Variants in RAPGEF2 observed in about 807,000 individuals in gnomAD.
The protein encoded by RAPGEF2 is Rap guanine nucleotide exchange factor 2, also known as PDZ domain containing guanine nucleotide exchange factor (GEF) 1.
In RAPGEF2, 54 loss-of-function variants were observed where a neutral mutation model predicts 186.7. That is an observed-to-expected ratio of 0.29 (90% CI 0.23 to 0.36). The LOEUF is 0.36. Ranked by LOEUF, RAPGEF2 falls within the 10% of genes least tolerant of loss-of-function variation. The pLI is 1.00. For missense variants in RAPGEF2, 1,532 were observed against 2,045.0 expected, an observed-to-expected ratio of 0.75 and a Z score of 4.84; for synonymous variants, 712 against 705.9, an observed-to-expected ratio of 1.01 and a Z score of -0.14.
At position 159,353,588 on chromosome 4, in the gene RAPGEF2, C is replaced by A; in HGVS notation, c.4193C>A (p.Ala1398Glu). The part of the protein sequence containing the change: ...EELSQDQGDR[A>E]SLDAADSGRG... ...CTTTCCCAGGATCAGGGGGATCGCG[C>A]GTCACTTGATGCTGCTGACAGTGGC... Residue 1398 changes from alanine (A) to glutamate (E), a missense_variant, in exon 28 of 30, where the codon GCG becomes GAG. Transcript: ENST00000691494. This position sits in a 1 kb window ranked among gnomAD's most constrained non-coding sequence, Gnocchi z 4.3. 6.3e-7 allele frequency: 1 copy of A among 1,591,952 alleles called. No individual in the cohort carries two copies. The highest frequency in any genetic ancestry group is 8.5e-7 in the Non-Finnish European group (1 of 1,171,338).
intron 25 of RAPGEF2, among the ~76,000 whole-genome samples, chr4:159,348,692 A>G (rs1380499978): frequency 6.6e-6 from 1 of 152,198 alleles, no homozygotes; most frequent in Non-Finnish European, 1.5e-5. Flanking sequence ...AAAAATGCCT[A>G]TTAGCCATAT....
Position 159,355,884 on chromosome 4 carries a change from G to GCCCCC in RAPGEF2, c.4686_4687insCCCCC (p.Thr1563ProfsTer64). ...AGGAGGGCAGGTATCGAGAGCCCCC[G>GCCCCC]CCCACCCCTCCCGGCTACATTGGAA... is the stretch of plus-strand genomic sequence containing the variant. On this transcript the variant is annotated frameshift_variant, in exon 29 of 30. Coordinates refer to ENST00000691494, the MANE Select transcript of RAPGEF2 (RefSeq NM_001394067.2). LOFTEE classifies it high-confidence loss of function. The GCCCCC allele has an allele frequency of 1.3e-5, 9 of 694,158 alleles. No homozygotes were observed. The highest frequency in any genetic ancestry group is 7.7e-5 in the East Asian group (1 of 12,994). The allele number at this position is 694,158 out of a possible 1,614,324, so 43.0% of individuals were successfully genotyped here.
At chr4:159,140,583 G>T (rs1056843580) in intron 1 of RAPGEF2, among the ~76,000 whole-genome samples, 1 of 152,130 alleles carries the variant, frequency 6.6e-6, no homozygotes, top group Non-Finnish European at 1.5e-5. Context: ...TAGAGAAGTG[G>T]ATAACCAAGG....
At position 159,332,111 on chromosome 4, in the gene RAPGEF2, A is replaced by G; in HGVS notation, c.1888+77A>G. On this transcript the variant is annotated intron_variant, in intron 16 of 29. Coordinates refer to ENST00000691494, the MANE Select transcript of RAPGEF2 (RefSeq NM_001394067.2). ...TATTTCAAACATCATAAGAAAGCATATATGGTAAAAGCATAGATTAGATCT... is the reference window on the plus strand; with the variant it reads ...TATTTCAAACATCATAAGAAAGCATGTATGGTAAAAGCATAGATTAGATCT... The G allele has an allele frequency of 3.2e-6, 3 of 939,402 alleles. 1 individual carries two copies. In the South Asian group the frequency reaches 5.0e-5, roughly 16 times the overall value. 58.2% of individuals were successfully genotyped at this position (939,402 alleles called of 1,614,324 possible).
rs1469323562 is a variant in RAPGEF2 at position 159,334,579 on chromosome 4, C to CA, written c.2135+1889dup. ...TGCAGAATTATTAACAGCACAATAA[C>CA]AAAAAAAGATCTTAGAGTCATATTT... On this transcript the variant is annotated intron_variant, in intron 17 of 29. Coordinates refer to ENST00000691494, the MANE Select transcript of RAPGEF2 (RefSeq NM_001394067.2). Among the ~76,000 whole-genome samples, 32 of 151,498 alleles carry CA rather than the reference C, an allele frequency of 2.1e-4. 1 individual carries two copies. The highest frequency in any genetic ancestry group is 9.9e-4 in the Admixed American group (15 of 15,224).
At chr4:159,273,686 CTTTCTTTCTTTCTTT>C (rs1363154680) in intron 7 of RAPGEF2, among the ~76,000 whole-genome samples, 1 of 141,758 alleles carries the variant, frequency 7.1e-6, no homozygotes, top group Non-Finnish European at 1.6e-5. Flanking sequence ...TTCTTTCTTT[CTTTCTTTCTTTCTTT>C]CTCAATTTAA....
At chr4:159,334,351 C>T (rs1251193125) in intron 17 of RAPGEF2, among the ~76,000 whole-genome samples, 1 of 152,130 alleles carries the variant, frequency 6.6e-6, no homozygotes, top group Non-Finnish European at 1.5e-5. Flanking sequence ...TGAGCTCAAG[C>T]AATTCTCATT....
intron 26 of RAPGEF2, among the ~76,000 whole-genome samples, chr4:159,352,011 CAA>C (rs759539607): frequency 2.0e-5 from 3 of 152,144 alleles, no homozygotes; most frequent in African/African-American, 4.8e-5. Flanking sequence ...TTTTTAGTAG[CAA>C]AAGAGAGTTA....
At chr4:159,163,640 T>G (rs1744954852) in intron 1 of RAPGEF2, among the ~76,000 whole-genome samples, 1 of 152,142 alleles carries the variant, frequency 6.6e-6, no homozygotes, top group Non-Finnish European at 1.5e-5. Flanking sequence ...GAAAATTTGG[T>G]GTTAATCTAT....
chr4:159,279,769 C>T (rs1286280377), intron 7 of RAPGEF2, among the ~76,000 whole-genome samples: 1 of 152,048 alleles, frequency 6.6e-6, no homozygotes, highest in Non-Finnish European at 1.5e-5. Flanking sequence ...ACCTCCACCT[C>T]CTGGGTTCCT....
At chr4:159,339,955 G>A (rs890450508) in intron 19 of RAPGEF2, among the ~76,000 whole-genome samples, 3 of 152,092 alleles carry the variant, frequency 2.0e-5, no homozygotes, top group Non-Finnish European at 4.4e-5. Context: ...TATATCACAC[G>A]TTACTTGCAA....
chr4:159,211,611 G>C (rs2111374594), intron 4 of RAPGEF2, among the ~76,000 whole-genome samples: 1 of 152,326 alleles, frequency 6.6e-6, no homozygotes, highest in Non-Finnish European at 1.5e-5. Context: ...CTGAAACAAG[G>C]AGAGGTAATT....
At chr4:159,314,852 A>G in intron 9 of RAPGEF2, 84 bp downstream of exon 9, 3 of 1,250,164 alleles carry the variant, frequency 2.4e-6, no homozygotes, top group Admixed American at 5.0e-5. Flanking sequence ...GCCCAAGACT[A>G]GTAGGCTTTA....
chr4:159,319,947 T>C (rs1301809073), intron 9 of RAPGEF2, among the ~76,000 whole-genome samples: 1 of 152,218 alleles, frequency 6.6e-6, no homozygotes, highest in African/African-American at 2.4e-5. Context: ...TCTCTGATCA[T>C]GTATGTGGTA....
intron 1 of RAPGEF2, among the ~76,000 whole-genome samples, chr4:159,144,630 A>G (rs572289617): frequency 6.6e-6 from 1 of 151,084 alleles, no homozygotes; most frequent in Non-Finnish European, 1.5e-5. Context: ...TTGAACTGTG[A>G]TATGTATTAC....
chr4:159,164,043 C>T (rs1327225948), intron 1 of RAPGEF2, among the ~76,000 whole-genome samples: 2 of 150,844 alleles, frequency 1.3e-5, no homozygotes, highest in African/African-American at 4.9e-5. Context: ...CTCGCCGTGT[C>T]CCCCAGGCTG....
At chr4:159,216,894 A>G (rs1256673990) in intron 4 of RAPGEF2, among the ~76,000 whole-genome samples, 1 of 152,204 alleles carries the variant, frequency 6.6e-6, no homozygotes, top group Non-Finnish European at 1.5e-5. Flanking sequence ...TATAATGAGA[A>G]TAAGTGGAGA....
At position 159,353,830 on chromosome 4, in the gene RAPGEF2, G is replaced by A. The variant is rs1319771940; in HGVS notation, c.4435G>A (p.Glu1479Lys). The change falls in exon 28 of 30, where the codon GAA becomes AAA. Residue 1479 changes from glutamate (E) to lysine (K), a missense_variant. By Grantham distance (56) the Glu-to-Lys change is moderately conservative. Transcript: ENST00000691494. The surrounding 1 kb of genome is among the most constrained non-coding windows in gnomAD (Gnocchi z 4.3). Reference protein sequence around the residue: ...NRQNQSRESLEQAQSRASWAS... With the variant: ...NRQNQSRESLKQAQSRASWAS... Reference sequence around the variant, plus strand: ...GCAAAATCAAAGTAGAGAGAGCCTTGAACAAGCCCAGTCCCGAGCAAGCTG... The same window carrying A: ...GCAAAATCAAAGTAGAGAGAGCCTTAAACAAGCCCAGTCCCGAGCAAGCTG... 1 of 1,614,184 alleles carries A rather than the reference G, an allele frequency of 6.2e-7. No individual in the cohort carries two copies. Among genetic ancestry groups the A allele is most frequent in the South Asian group, 1.1e-5 (1 of 91,074 alleles).
rs763689117 is a variant in RAPGEF2 at position 159,314,666 on chromosome 4, G to A, written c.751G>A (p.Asp251Asn). Residue 251 changes from aspartate (D) to asparagine (N), a missense_variant, in exon 9 of 30, where the codon GAT becomes AAT. Asp to Asn is a conservative substitution (Grantham distance 23). Around this residue, in one of 4 missense-constraint regions of RAPGEF2, gnomAD observed 810 missense variants for 1,210.5 expected, o/e 0.67. Coordinates refer to ENST00000691494, the MANE Select transcript of RAPGEF2 (RefSeq NM_001394067.2). ...ETAVDSEDDDDEEDIERASDP... is the reference protein window; with the variant it reads ...ETAVDSEDDDNEEDIERASDP... ...AGCAGTGGATTCCGAAGACGACGAC[G>A]ATGAAGAAGACATTGAGAGAGCATC... 3 of 1,614,000 alleles carry A rather than the reference G, an allele frequency of 1.9e-6. No individual in the cohort carries two copies. The highest frequency in any genetic ancestry group is 1.1e-5 in the South Asian group (1 of 91,072).
Sources: allele counts gnomAD v4.1 joint callset (sites outside exome capture counted in the v4.1 genomes callset), GRCh38; gene constraint gnomAD v4.1.1; regional missense constraint gnomAD v4.1.1; non-coding constraint Gnocchi (gnomAD v3.1); transcripts MANE v1.5; gene names NCBI Gene and HGNC (gene_info 2026-07-23, HGNC 2026-07-21).